Variants in NCAM2 observed in about 807,000 individuals in gnomAD.
The protein encoded by NCAM2 is N-CAM-2.
A neutral mutation model predicts 98.1 loss-of-function variants in NCAM2; 30 were observed. That is an observed-to-expected ratio of 0.31 (90% CI 0.23 to 0.41). The LOEUF (loss-of-function observed/expected upper bound fraction) is 0.41, where lower values mean the gene tolerates loss of function less well. Among genes scored for constraint, NCAM2 ranks in the 10% least tolerant of loss-of-function variants. The pLI is 1.00. For synonymous variants in NCAM2, 368 were observed against 342.4 expected, an observed-to-expected ratio of 1.07 and a Z score of -0.83; for missense variants, 867 against 1,005.8, an observed-to-expected ratio of 0.86 and a Z score of 1.87.
chr21:21,227,997 T>C (rs1315789164), intron 1 of NCAM2, among the ~76,000 whole-genome samples: 1 of 151,718 alleles, frequency 6.6e-6, no homozygotes, highest in Non-Finnish European at 1.5e-5. Context: ...AGAAAAATGA[T>C]AAAAGCTCAG....
At chr21:21,261,293 C>T (rs986019526) in intron 1 of NCAM2, among the ~76,000 whole-genome samples, 2 of 152,078 alleles carry the variant, frequency 1.3e-5, no homozygotes, top group African/African-American at 4.8e-5. Flanking sequence ...ATCATCAAGG[C>T]AGAAAACTAA....
chr21:21,283,538 A>G (rs1249195775), intron 2 of NCAM2, among the ~76,000 whole-genome samples: 1 of 151,984 alleles, frequency 6.6e-6, no homozygotes, highest in South Asian at 2.1e-4. Context: ...TGAAATTATC[A>G]TATGAATAAA....
intron 9 of NCAM2, among the ~76,000 whole-genome samples, chr21:21,409,018 T>TA (rs1480278795): frequency 1.3e-5 from 2 of 152,028 alleles, no homozygotes; most frequent in Non-Finnish European, 2.9e-5. Flanking sequence ...TTAAATGACT[T>TA]AAATTGATAA....
intron 9 of NCAM2, among the ~76,000 whole-genome samples, chr21:21,376,731 A>T (rs1031773238): frequency 6.6e-6 from 1 of 151,836 alleles, no homozygotes; most frequent in Non-Finnish European, 1.5e-5. Flanking sequence ...TTTTGATCAC[A>T]TTGCATTCCT....
intron 12 of NCAM2, among the ~76,000 whole-genome samples, chr21:21,452,998 TAATATATAATATATAAA>T (rs1395702456): frequency 8.9e-5 from 8 of 90,380 alleles, no homozygotes; most frequent in African/African-American, 3.6e-4. Flanking sequence ...TTATATTATA[TAATATATAATATATAAA>T]AATATATAAT....
intron 16 of NCAM2, among the ~76,000 whole-genome samples, chr21:21,531,658 C>T (rs575649650): frequency 6.6e-6 from 1 of 152,038 alleles, no homozygotes; most frequent in African/African-American, 2.4e-5. Flanking sequence ...AACTTATCCA[C>T]ATTACATTTT....
intron 1 of NCAM2, among the ~76,000 whole-genome samples, chr21:21,084,167 C>G (rs1445992561): frequency 1.3e-5 from 2 of 152,128 alleles, no homozygotes; most frequent in African/African-American, 4.8e-5. Context: ...TCTGGACTCT[C>G]TTTTCAAAAA....
intron 1 of NCAM2, among the ~76,000 whole-genome samples, chr21:21,125,658 A>G (rs1601435760): frequency 7.4e-6 from 1 of 135,278 alleles, no homozygotes; most frequent in African/African-American, 2.7e-5. Context: ...ATATGTAGAG[A>G]TATATATATC....
At chr21:21,521,556 A>C (rs1229677638) in intron 16 of NCAM2, among the ~76,000 whole-genome samples, 1 of 152,200 alleles carries the variant, frequency 6.6e-6, no homozygotes, top group Admixed American at 6.5e-5. Flanking sequence ...AAGCAATAAC[A>C]GATGTGCAAT....
At chr21:21,401,679 G>A (rs1473741927) in intron 9 of NCAM2, among the ~76,000 whole-genome samples, 1 of 152,042 alleles carries the variant, frequency 6.6e-6, no homozygotes, top group Non-Finnish European at 1.5e-5. Flanking sequence ...TATGTGTTTT[G>A]TATCCATTCA....
chr21:21,362,291 A>G (rs1387895565), intron 8 of NCAM2, among the ~76,000 whole-genome samples: 1 of 152,158 alleles, frequency 6.6e-6, no homozygotes, highest in East Asian at 1.9e-4. Context: ...AAAGCCTTTA[A>G]TAGTCTCATA....
At chr21:21,251,490 GT>G (rs1293293116) in intron 1 of NCAM2, among the ~76,000 whole-genome samples, 2 of 152,046 alleles carry the variant, frequency 1.3e-5, no homozygotes, top group African/African-American at 4.8e-5. Flanking sequence ...TGATCTCATT[GT>G]TTTTTATGGC....
At position 21,534,618 on chromosome 21, in the gene NCAM2, A is replaced by G. The variant is rs376609572; in HGVS notation, c.2364A>G (p.Val788=). The G allele has an allele frequency of 6.2e-5, 100 of 1,611,586 alleles. 2 individuals carry two copies. In the East Asian group the frequency reaches 1.1e-3, roughly 17 times the overall value. ...CTAATCACGAAGATGGGAGCCCAGT[A>G]AATGAGCCAAATGAAACCACACCAC... The part of the protein sequence containing the change: ...RVTNHEDGSP[V]NEPNETTPLT... The change falls in exon 17 of 18, where the codon GTA becomes GTG. Residue 788 remains valine, a synonymous_variant. Coordinates refer to ENST00000400546, the MANE Select transcript of NCAM2 (RefSeq NM_004540.5).
chr21:21,072,777 A>T (rs941341863), intron 1 of NCAM2, among the ~76,000 whole-genome samples: 2 of 152,132 alleles, frequency 1.3e-5, no homozygotes, highest in African/African-American at 4.8e-5. Flanking sequence ...ATATATATTT[A>T]CAATTTTTTA....
At chr21:21,016,534 G>C (rs564094042) in intron 1 of NCAM2, among the ~76,000 whole-genome samples, 1 of 152,080 alleles carries the variant, frequency 6.6e-6, no homozygotes, top group South Asian at 2.1e-4. Flanking sequence ...AACTCAGTCT[G>C]ATGGGCAAAA....
intron 1 of NCAM2, among the ~76,000 whole-genome samples, chr21:21,235,448 A>G (rs1389314762): frequency 4.6e-5 from 7 of 152,050 alleles, no homozygotes; most frequent in African/African-American, 1.7e-4. Context: ...AAAATATGTA[A>G]GTAGGTAAAC....
chr21:21,004,011 TTAAACACCAAGAGGC>T (rs1313754597), intron 1 of NCAM2, among the ~76,000 whole-genome samples: 1 of 152,136 alleles, frequency 6.6e-6, no homozygotes, highest in African/African-American at 2.4e-5. Flanking sequence ...CAGGCTGGTG[TTAAACACCAAGAGGC>T]TTAGGATGGG....
chr21:21,443,099 A>G (rs1979555040), intron 12 of NCAM2, among the ~76,000 whole-genome samples: 1 of 152,176 alleles, frequency 6.6e-6, no homozygotes, highest in African/African-American at 2.4e-5. Context: ...TGCAGCCATA[A>G]AAAAAGATGA....
intron 6 of NCAM2, among the ~76,000 whole-genome samples, chr21:21,330,532 C>G (rs2074644392): frequency 6.6e-6 from 1 of 151,342 alleles, no homozygotes; most frequent in Admixed American, 6.6e-5. Flanking sequence ...TTTATTGAGT[C>G]TTAAATTAAA....
Sources: allele counts gnomAD v4.1 joint callset (sites outside exome capture counted in the v4.1 genomes callset), GRCh38; gene constraint gnomAD v4.1.1; transcripts MANE v1.5; gene names NCBI Gene and HGNC (gene_info 2026-07-23, HGNC 2026-07-21).